The following KIAA1328 variants were observed in gnomAD, a reference collection of about 807,000 sequenced individuals.
The protein encoded by KIAA1328 is protein hinderin.
In KIAA1328, 52 loss-of-function variants were observed where a neutral mutation model predicts 68.1. That is an observed-to-expected ratio of 0.76 (90% confidence interval 0.61 to 0.96). The LOEUF is 0.96. Among genes scored for constraint, KIAA1328 ranks in the 40% least tolerant of loss-of-function variants. The pLI is 0.00. For missense variants in KIAA1328, 641 were observed against 677.6 expected, an observed-to-expected ratio of 0.95 and a Z score of 0.60; for synonymous variants, 232 against 239.4, an observed-to-expected ratio of 0.97 and a Z score of 0.28.
intron 6 of KIAA1328, among the ~76,000 whole-genome samples, chr18:37,039,737 A>G (rs1471491270): frequency 6.6e-6 from 1 of 152,186 alleles, no homozygotes; most frequent in Admixed American, 6.5e-5. Context: ...GAAACAGATT[A>G]TAACAAACTT....
At chr18:37,018,678 C>T (rs2054235000) in intron 6 of KIAA1328, among the ~76,000 whole-genome samples, 1 of 152,136 alleles carries the variant, frequency 6.6e-6, no homozygotes, top group Admixed American at 6.5e-5. Context: ...AAAGATCAGT[C>T]CTCAATCTCT....
chr18:36,928,598 A>T (rs939864200), intron 5 of KIAA1328, among the ~76,000 whole-genome samples: 2 of 152,112 alleles, frequency 1.3e-5, no homozygotes, highest in African/African-American at 2.4e-5. Flanking sequence ...TACTTCAAAA[A>T]TTTTTTGATG....
chr18:36,913,813 T>C (rs1039438778), intron 5 of KIAA1328, among the ~76,000 whole-genome samples: 29 of 152,224 alleles, frequency 1.9e-4, no homozygotes, highest in African/African-American at 7.0e-4. Flanking sequence ...TTCTGTTACT[T>C]AAGTTGACAA....
At chr18:36,887,003 G>T (rs942021384) in intron 5 of KIAA1328, among the ~76,000 whole-genome samples, 1 of 152,082 alleles carries the variant, frequency 6.6e-6, no homozygotes, top group Non-Finnish European at 1.5e-5. Context: ...TTGATTTGCT[G>T]AGTATAACAT....
chr18:37,229,232 G>A (rs188194914), downstream of KIAA1328, among the ~76,000 whole-genome samples: 12 of 152,138 alleles, frequency 7.9e-5, no homozygotes, highest in East Asian at 1.4e-3. Context: ...GGCAAGCATC[G>A]AAAACTCCTG....
At chr18:37,144,304 T>G (rs2154208670) in intron 7 of KIAA1328, among the ~76,000 whole-genome samples, 1 of 152,310 alleles carries the variant, frequency 6.6e-6, no homozygotes, top group South Asian at 2.1e-4. Context: ...TTAGTTTGTC[T>G]TGGTAGAGGG....
chr18:36,941,330 C>T (rs7227303), intron 5 of KIAA1328, among the ~76,000 whole-genome samples: 90,578 of 151,958 alleles, frequency 0.6, 28,848 homozygotes, highest in East Asian at 0.87. Context: ...TGTGGTGGCT[C>T]ATGCCTGTAA....
chr18:37,224,606 A>G lies in KIAA1328; in HGVS notation c.*2379A>G. On this transcript the variant is annotated 3_prime_UTR_variant, in exon 10 of 10. Transcript: ENST00000280020. ...AATCTATTTAAATTTACTTTGAAAT[A>G]TATACATACATATGAATGAAAGGTT... 1.0e-6 allele frequency: 1 copy of G among 974,608 alleles called. No homozygotes were observed. Among genetic ancestry groups the G allele is most frequent in the South Asian group, 4.7e-5 (1 of 21,062 alleles). 60.4% of individuals were successfully genotyped at this position (974,608 alleles called of 1,614,324 possible). A position where few individuals can be genotyped will look rare whatever the true frequency, so the allele number is the denominator to read the frequency against.
rs972280052 is a variant in KIAA1328, at chr18:37,183,192, T to C, written c.1523+10111T>C. ...GTGTTTTTTTTGGGATATCTGTTTC[T>C]AGGGTCACTCAAGGACTGACCAAAG... is the stretch of plus-strand genomic sequence containing the variant. On this transcript the variant is annotated intron_variant, in intron 9 of 9. Transcript: ENST00000280020. Among the ~76,000 whole-genome samples the C allele has an allele frequency of 3.2e-4, 48 of 152,302 alleles. 1 individual carries two copies. Among genetic ancestry groups the C allele is most frequent in the African/African-American group, 1.1e-3 (47 of 41,564 alleles).
At chr18:36,885,170 C>G (rs2048455770) in intron 4 of KIAA1328, among the ~76,000 whole-genome samples, 1 of 151,992 alleles carries the variant, frequency 6.6e-6, no homozygotes. Context: ...TTTAAATAAA[C>G]TTATACAAAA....
intron 7 of KIAA1328, among the ~76,000 whole-genome samples, chr18:37,096,089 T>G (rs1195029027): frequency 6.6e-6 from 1 of 152,194 alleles, no homozygotes; most frequent in Non-Finnish European, 1.5e-5. Flanking sequence ...ATTCTTTTTT[T>G]TTTTCTACTT....
intron 8 of KIAA1328, among the ~76,000 whole-genome samples, chr18:37,162,977 A>T (rs1337093623): frequency 6.6e-6 from 1 of 152,208 alleles, no homozygotes; most frequent in African/African-American, 2.4e-5. Context: ...CTTAAGATAT[A>T]TAGACTTGTT....
intron 7 of KIAA1328, among the ~76,000 whole-genome samples, chr18:37,128,083 T>C (rs1250285574): frequency 1.3e-5 from 2 of 152,224 alleles, no homozygotes; most frequent in East Asian, 3.9e-4. Context: ...CACTTAAATA[T>C]GTAAGCTAAA....
intron 8 of KIAA1328, among the ~76,000 whole-genome samples, chr18:37,166,037 A>AT (rs1157622407): frequency 0.26 from 34,928 of 136,064 alleles, 6,406 homozygotes; most frequent in African/African-American, 0.53. Flanking sequence ...TGGGGTGGTA[A>AT]TTTTTTTTTT....
chr18:37,160,458 T>TGATG, intron 8 of KIAA1328, 77 bp downstream of exon 8: 1 of 1,344,436 alleles, frequency 7.4e-7, no homozygotes, highest in South Asian at 1.4e-5. Flanking sequence ...TTTCAGATGA[T>TGATG]TTCCTACAAT....
At chr18:37,215,436 G>A (rs578232205) in intron 9 of KIAA1328, among the ~76,000 whole-genome samples, 1 of 152,190 alleles carries the variant, frequency 6.6e-6, no homozygotes, top group Non-Finnish European at 1.5e-5. Flanking sequence ...GTTCTGTTTT[G>A]TGATGGATTA....
chr18:37,159,308 C>A (rs1271197832), intron 7 of KIAA1328, among the ~76,000 whole-genome samples: 1 of 152,206 alleles, frequency 6.6e-6, no homozygotes, highest in Non-Finnish European at 1.5e-5. Flanking sequence ...GGCAACACTC[C>A]ATTCAGCTTG....
chr18:36,884,971 AT>A (rs34890195), intron 4 of KIAA1328, among the ~76,000 whole-genome samples: 2,194 of 148,996 alleles, frequency 0.015, 49 homozygotes, highest in African/African-American at 0.051. Flanking sequence ...TAACTTTATA[AT>A]TTTTTTTTTG....
chr18:37,086,784 A>C (rs1000700437), intron 7 of KIAA1328, among the ~76,000 whole-genome samples: 1 of 152,206 alleles, frequency 6.6e-6, no homozygotes, highest in African/African-American at 2.4e-5. Context: ...AGTGTGTTGC[A>C]GTCTGATTCT....
Sources: allele counts gnomAD v4.1 joint callset (sites outside exome capture counted in the v4.1 genomes callset), GRCh38; gene constraint gnomAD v4.1.1; transcripts MANE v1.5; gene names NCBI Gene and HGNC (gene_info 2026-07-23, HGNC 2026-07-21).